The following ZBTB11 variants were observed in gnomAD, a reference collection of about 807,000 sequenced individuals.
ZBTB11 encodes zinc finger and BTB domain-containing protein 11.
Under a neutral mutation model 113.1 loss-of-function variants are expected in ZBTB11, and 68 were observed. That is an observed-to-expected ratio of 0.60 (90% confidence interval 0.49 to 0.74). The LOEUF is 0.74. Ranked by LOEUF, ZBTB11 falls within the 30% of genes least tolerant of loss-of-function variation. The pLI, the probability that ZBTB11 is intolerant of heterozygous loss-of-function variation, is 0.00. For missense variants in ZBTB11, 1,104 were observed against 1,279.4 expected (o/e 0.86, Z 2.09); for synonymous variants, 518 against 452.6 (o/e 1.14, Z -1.83).
chr3:101,676,344 C>T (rs1937171871), intron 1 of ZBTB11: 1 of 365,528 alleles, frequency 2.7e-6, no homozygotes, highest in Non-Finnish European at 4.9e-6. Context: ...TCCGGCCCCT[C>T]CCCGCGGCTG....
At chr3:101,667,943 G>T (rs1937022943) in intron 3 of ZBTB11, among the ~76,000 whole-genome samples, 1 of 151,996 alleles carries the variant, frequency 6.6e-6, no homozygotes. Context: ...CAATAGCCAA[G>T]AAATGAAATC....
rs1360361996 is a variant in ZBTB11, at chr3:101,663,097, G to T, written c.1800+1441C>A. On this transcript the variant is annotated intron_variant, in intron 5 of 10. Coordinates refer to ENST00000312938, the MANE Select transcript of ZBTB11 (RefSeq NM_014415.4). The stretch of plus-strand genomic sequence containing the variant: ...TGGAACTACAGGTGCTCGCCACCAT[G>T]CCTGGCTAATTTTTTGTACTTTTAG... Among the ~76,000 whole-genome samples the T allele has an allele frequency of 3.3e-5, 5 of 152,104 alleles. No homozygotes were observed. The East Asian group carries it at 9.6e-4, about 29-fold the overall frequency.
At chr3:101,663,065 G>A (rs907933666) in intron 5 of ZBTB11, among the ~76,000 whole-genome samples, 9 of 151,354 alleles carry the variant, frequency 5.9e-5, no homozygotes, top group Non-Finnish European at 1.2e-4. Context: ...TCAGTCTCCC[G>A]AGTAGCTGGA....
chr3:101,671,813 A>G, intron 2 of ZBTB11, 165 bp downstream of exon 2: 1 of 626,746 alleles, frequency 1.6e-6, no homozygotes, highest in Non-Finnish European at 2.8e-6. Flanking sequence ...TAACAGGAAC[A>G]TTTATGATAA....
chr3:101,671,476 T>C (rs866395028), intron 2 of ZBTB11, 115 bp from the exon 3 acceptor site: 2 of 759,904 alleles, frequency 2.6e-6, no homozygotes, highest in Middle Eastern at 5.9e-4. Context: ...AATAATTTGA[T>C]ATTTTCTTTG....
chr3:101,657,507 CAA>C (rs59962854), intron 6 of ZBTB11, among the ~76,000 whole-genome samples: 4 of 66,016 alleles, frequency 6.1e-5, no homozygotes, highest in African/African-American at 1.1e-4. Flanking sequence ...ACCCTGCCTC[CAA>C]AAAAAAAAAA....
chr3:101,658,912 AT>A (rs1936842456), intron 6 of ZBTB11, among the ~76,000 whole-genome samples: 1 of 152,194 alleles, frequency 6.6e-6, no homozygotes, highest in African/African-American at 2.4e-5. Context: ...AAGAAAAAAA[AT>A]CTCATTGGTT....
In ZBTB11 at chr3:101,671,258, G is replaced by A. The variant is rs772178055; in HGVS notation, c.650C>T (p.Thr217Ile). 6.2e-7 allele frequency: 1 copy of A among 1,614,104 alleles called. No individual in the cohort carries two copies. ...QRLSNQFCDV[T>I]LLIEGEEYKA... ...GTACTCTTCTCCTTCAATTAACAAA[G>A]TAACATCACAGAACTGGTTGGAAAG... The change falls in exon 3 of 11, where the codon ACT becomes ATT. Residue 217 changes from threonine to isoleucine, a missense_variant. Physicochemically the swap from Thr to Ile is moderately conservative, Grantham distance 89. This residue lies in a region of ZBTB11 where 86 missense variants were observed against 131.0 expected (regional missense o/e 0.66). Coordinates refer to ENST00000312938, the MANE Select transcript of ZBTB11 (RefSeq NM_014415.4).
At position 101,649,462 on chromosome 3, in the gene ZBTB11, A is replaced by G. The variant is rs1187183069; in HGVS notation, c.*1704T>C. 6.6e-6 allele frequency: 1 copy of G among 152,240 alleles called. No homozygotes were observed. Among genetic ancestry groups the G allele is most frequent in the Non-Finnish European group, 1.5e-5 (1 of 68,038 alleles). 9.4% of individuals were successfully genotyped at this position (152,240 alleles called of 1,614,324 possible). A position where few individuals can be genotyped will look rare whatever the true frequency, so the allele number is the denominator to read the frequency against. On this transcript the variant is annotated 3_prime_UTR_variant, in exon 11 of 11. Transcript: ENST00000312938. ...AGTTCATGCTTTTCAACAAGATTCA[A>G]CATCTTTTATTTACATGTTTATGAC...
intron 9 of ZBTB11, 35 bp from the exon 10 acceptor site, chr3:101,652,706 AAAG>A (rs1936725869): frequency 6.2e-7 from 1 of 1,611,348 alleles, no homozygotes; most frequent in Non-Finnish European, 8.5e-7. Flanking sequence ...TATTTTGTCC[AAAG>A]AAGTAGCAGC....
intron 1 of ZBTB11, among the ~76,000 whole-genome samples, chr3:101,672,812 C>A (rs1314128141): frequency 6.6e-6 from 1 of 152,228 alleles, no homozygotes; most frequent in Non-Finnish European, 1.5e-5. Flanking sequence ...TTGATTTGCA[C>A]ACATGTGATG....
At chr3:101,651,987 A>T (rs537064802) in intron 10 of ZBTB11, among the ~76,000 whole-genome samples, 17 of 152,128 alleles carry the variant, frequency 1.1e-4, no homozygotes, top group Non-Finnish European at 2.2e-4. Context: ...AAATTAGCCC[A>T]GCGTGGTGGC....
intron 5 of ZBTB11, 106 bp downstream of exon 5, chr3:101,664,432 T>A: frequency 8.8e-7 from 1 of 1,131,220 alleles, no homozygotes; most frequent in South Asian, 1.7e-5. Flanking sequence ...ATGACTCTTA[T>A]AGCCATATAA....
chr3:101,664,619 T>C lies in ZBTB11; in HGVS notation c.1719A>G (p.Glu573=), dbSNP rs1226731437. Residue 573 remains glutamate (E), a synonymous_variant, in exon 5 of 11, where the codon GAA becomes GAG. Transcript: ENST00000312938. Reference sequence around the variant, plus strand: ...ATCGTCTCTGAAAAACCATTCCACATTCCCCACATTTATGAGATGCTTCTT... The same window carrying C: ...ATCGTCTCTGAAAAACCATTCCACACTCCCCACATTTATGAGATGCTTCTT... ...NTEEASHKCG[E]CGMVFQRRYA... 1.9e-5 allele frequency: 30 copies of C among 1,613,838 alleles called. No homozygotes were observed. The highest frequency in any genetic ancestry group is 2.4e-5 in the Non-Finnish European group (28 of 1,179,950).
At chr3:101,673,790 C>T (rs1245326043) in intron 1 of ZBTB11, among the ~76,000 whole-genome samples, 1 of 152,192 alleles carries the variant, frequency 6.6e-6, no homozygotes, top group African/African-American at 2.4e-5. Flanking sequence ...GCTGGGATGA[C>T]GGGCATGAGC....
rs1936674251 is a variant in ZBTB11 at position 101,650,173 on chromosome 3, T to C, written c.*993A>G. 1 of 152,216 alleles carries C rather than the reference T, an allele frequency of 6.6e-6. No individual in the cohort carries two copies. Among genetic ancestry groups the C allele is most frequent in the Non-Finnish European group, 1.5e-5 (1 of 68,022 alleles). The allele number at this position is 152,216 out of a possible 1,614,324, so 9.4% of individuals were successfully genotyped here. On this transcript the variant is annotated 3_prime_UTR_variant, in exon 11 of 11. Transcript: ENST00000312938. Reference sequence around the variant, plus strand: ...TCAACATTCTGAAATTACCTGACAATTACATGGTATCCACAGAGCTGCTGT... The same window carrying C: ...TCAACATTCTGAAATTACCTGACAACTACATGGTATCCACAGAGCTGCTGT...
intron 6 of ZBTB11, among the ~76,000 whole-genome samples, chr3:101,658,831 G>C (rs940383791): frequency 2.0e-5 from 3 of 152,000 alleles, no homozygotes; most frequent in Non-Finnish European, 4.4e-5. Context: ...CCAAAATTTG[G>C]AAAACACTAC....
In ZBTB11 at chr3:101,675,298, G is replaced by C. The variant is rs372547727; in HGVS notation, c.310+1307C>G. ...TTCATTACCTCATAATTTAATCTTC[G>C]CATTTGTCTGTCCTTACAGGAATTT... On this transcript the variant is annotated intron_variant, in intron 1 of 10. Transcript: ENST00000312938. 1.6e-4 allele frequency among the ~76,000 whole-genome samples: 25 copies of C among 152,206 alleles called. 1 individual carries two copies. The highest frequency in any genetic ancestry group is 8.5e-4 in the Admixed American group (13 of 15,302).
chr3:101,675,994 T>C (rs1937161263), intron 1 of ZBTB11, among the ~76,000 whole-genome samples: 1 of 152,304 alleles, frequency 6.6e-6, no homozygotes, highest in East Asian at 1.9e-4. Context: ...CATTTACTTC[T>C]TGTTCTTAAA....
Sources: allele counts gnomAD v4.1 joint callset (sites outside exome capture counted in the v4.1 genomes callset), GRCh38; gene constraint gnomAD v4.1.1; regional missense constraint gnomAD v4.1.1; transcripts MANE v1.5; gene names NCBI Gene and HGNC (gene_info 2026-07-23, HGNC 2026-07-21).